Variants in FYN observed in about 807,000 individuals in gnomAD.
FYN encodes FYN proto-oncogene, Src family tyrosine kinase.
In FYN, 10 loss-of-function variants were observed where a neutral mutation model predicts 70.2. The observed-to-expected ratio is 0.14, with a 90% CI of 0.09 to 0.24. The LOEUF (loss-of-function observed/expected upper bound fraction) is 0.24, where lower values mean the gene tolerates loss of function less well. Among genes scored for constraint, FYN ranks in the 10% least tolerant of loss-of-function variants. FYN has a pLI of 1.00. For synonymous variants in FYN, 236 were observed against 248.6 expected (o/e 0.95, Z 0.48); for missense variants, 319 against 673.1 (o/e 0.47, Z 5.82).
intron 2 of FYN, among the ~76,000 whole-genome samples, chr6:111,804,085 CCA>C (rs1259246619): frequency 6.6e-6 from 1 of 152,158 alleles, no homozygotes; most frequent in Non-Finnish European, 1.5e-5. Flanking sequence ...ATGCTGAAAC[CCA>C]CAGTTTACAT....
intron 13 of FYN, among the ~76,000 whole-genome samples, chr6:111,663,827 TG>T (rs1204935485): frequency 6.6e-6 from 1 of 151,460 alleles, no homozygotes; most frequent in Non-Finnish European, 1.5e-5. Flanking sequence ...TGGCTGAAAA[TG>T]GGGGATGGGG....
chr6:111,837,812 CGCT>C (rs148881529), intron 2 of FYN, among the ~76,000 whole-genome samples: 6,634 of 152,284 alleles, frequency 0.044, 305 homozygotes, highest in African/African-American at 0.12. Context: ...CACCACACGA[CGCT>C]GCCTCATGTT....
At chr6:111,822,845 A>T (rs770278484) in intron 2 of FYN, among the ~76,000 whole-genome samples, 20 of 152,170 alleles carry the variant, frequency 1.3e-4, no homozygotes, top group Non-Finnish European at 5.9e-5. Context: ...TGTCAACCAC[A>T]CCATCATTGA....
chr6:111,694,548 A>G lies in FYN; in HGVS notation c.1120-20T>C, dbSNP rs1181688174. On this transcript the variant is annotated intron_variant, in intron 11 of 13. Transcript: ENST00000354650. The surrounding 1 kb of genome is among the most constrained non-coding windows in gnomAD (Gnocchi z 5.0). ...AGCCACCTGTGGAAACCCAGGGAAC[A>G]GGACATGTTACACCACGACCCAATG... 1.3e-5 allele frequency: 21 copies of G among 1,613,940 alleles called. No homozygotes were observed. The highest frequency in any genetic ancestry group is 4.0e-5 in the African/African-American group (3 of 74,942).
chr6:111,737,741 G>A (rs1029229357), intron 3 of FYN, among the ~76,000 whole-genome samples: 1 of 152,054 alleles, frequency 6.6e-6, no homozygotes. Context: ...GGGAGATAAG[G>A]CTCAAAGTCC....
At chr6:111,830,630 A>C (rs1044053870) in intron 2 of FYN, among the ~76,000 whole-genome samples, 2 of 152,186 alleles carry the variant, frequency 1.3e-5, no homozygotes, top group Non-Finnish European at 2.9e-5. Context: ...CTGCTGAAAG[A>C]ACACAGAATA....
intron 3 of FYN, among the ~76,000 whole-genome samples, chr6:111,762,102 A>G (rs2128494283): frequency 6.6e-6 from 1 of 152,314 alleles, no homozygotes; most frequent in East Asian, 1.9e-4. Context: ...AGAAATCATC[A>G]TGGAATCCTA....
intron 9 of FYN, 157 bp downstream of exon 9, chr6:111,699,947 C>T: frequency 1.0e-5 from 4 of 384,652 alleles, no homozygotes; most frequent in East Asian, 5.1e-5. Flanking sequence ...TTAGGAATTC[C>T]AGAATGTTAA....
intron 2 of FYN, among the ~76,000 whole-genome samples, chr6:111,811,274 T>G (rs972227892): frequency 1.3e-5 from 2 of 152,202 alleles, no homozygotes; most frequent in African/African-American, 4.8e-5. Context: ...GACTTTAATT[T>G]TACAGAAGCC....
At chr6:111,740,388 C>T (rs1283712384) in intron 3 of FYN, among the ~76,000 whole-genome samples, 1 of 152,162 alleles carries the variant, frequency 6.6e-6, no homozygotes, top group Non-Finnish European at 1.5e-5. Flanking sequence ...GATTCCTATG[C>T]AGCTGTTAAA....
At chr6:111,763,755 G>C (rs1165810892) in intron 3 of FYN, among the ~76,000 whole-genome samples, 3 of 151,988 alleles carry the variant, frequency 2.0e-5, no homozygotes, top group Admixed American at 1.3e-4. Context: ...TGTAGCTTAG[G>C]GGGAAAAGCA....
intron 2 of FYN, among the ~76,000 whole-genome samples, chr6:111,826,661 C>T (rs1308835068): frequency 6.6e-6 from 1 of 152,172 alleles, no homozygotes; most frequent in Non-Finnish European, 1.5e-5. Context: ...ATTTCCAATT[C>T]TCCTTACCAC....
intron 3 of FYN, among the ~76,000 whole-genome samples, chr6:111,751,476 C>T (rs1346862514): frequency 1.7e-5 from 2 of 115,822 alleles, no homozygotes; most frequent in African/African-American, 3.1e-5. Context: ...CCCCCCAAAA[C>T]TGCTGACACA....
chr6:111,688,614 C>A (rs1036246388), intron 12 of FYN, among the ~76,000 whole-genome samples: 5 of 152,004 alleles, frequency 3.3e-5, no homozygotes, highest in Non-Finnish European at 2.9e-5. Flanking sequence ...CTGCTCCAGC[C>A]GTGCCCACGC....
At chr6:111,662,856 G>A (rs1797818834) in intron 13 of FYN, among the ~76,000 whole-genome samples, 2 of 152,144 alleles carry the variant, frequency 1.3e-5, no homozygotes, top group Admixed American at 1.3e-4. Context: ...CCATGTCCGG[G>A]GCCTATCTCT....
Position 111,683,844 on chromosome 6 carries a change from T to G in FYN, c.1274-9214A>C, listed in dbSNP as rs150118152. The stretch of plus-strand genomic sequence containing the variant: ...GAAAGAAGCAAAATCAAAGCTGACC[T>G]GACCTGGAACTTTGTGGTTATTTAA... On this transcript the variant is annotated intron_variant, in intron 12 of 13. Coordinates refer to ENST00000354650, the MANE Select transcript of FYN (RefSeq NM_002037.5). Among the ~76,000 whole-genome samples the G allele has an allele frequency of 2.0e-5, 3 of 152,280 alleles. 1 individual carries two copies. Among genetic ancestry groups the G allele is most frequent in the African/African-American group, 7.2e-5 (3 of 41,562 alleles).
At position 111,791,125 on chromosome 6, in the gene FYN, C is replaced by T. The variant is rs547874171; in HGVS notation, c.-81-10490G>A. On this transcript the variant is annotated intron_variant, in intron 2 of 13. Transcript: ENST00000354650. Reference sequence around the variant, plus strand: ...CCAAGTTAATCCTGAACAAGAGGAACAGGGCTGGAAGACTTATTCTACCAG... The same window carrying T: ...CCAAGTTAATCCTGAACAAGAGGAATAGGGCTGGAAGACTTATTCTACCAG... Among the ~76,000 whole-genome samples, 51 of 152,096 alleles carry T rather than the reference C, an allele frequency of 3.4e-4. 1 individual carries two copies. Among genetic ancestry groups the T allele is most frequent in the African/African-American group, 1.2e-3 (50 of 41,506 alleles).
intron 1 of FYN, among the ~76,000 whole-genome samples, chr6:111,855,886 T>C (rs978172080): frequency 6.6e-6 from 1 of 152,214 alleles, no homozygotes; most frequent in Admixed American, 6.5e-5. Context: ...ACTGAACACA[T>C]TGCATGATGA....
chr6:111,775,823 C>T (rs1317261342), intron 3 of FYN, among the ~76,000 whole-genome samples: 1 of 152,198 alleles, frequency 6.6e-6, no homozygotes, highest in Non-Finnish European at 1.5e-5. Context: ...AAGGGGCCCA[C>T]AGGCTGCTCA....
Sources: gnomAD v4.1 joint callset for allele counts (sites outside exome capture counted in the v4.1 genomes callset) on GRCh38, gnomAD v4.1.1 for gene constraint, Gnocchi (gnomAD v3.1) non-coding constraint, MANE v1.5 for transcripts, NCBI Gene and HGNC (gene_info 2026-07-23, HGNC 2026-07-21) for gene names.